Variants in P4HA3 observed in about 807,000 individuals in gnomAD.
P4HA3 encodes the protein prolyl 4-hydroxylase subunit alpha-3.
P4HA3 carries 60 observed loss-of-function variants against 66.7 expected under a neutral mutation model. That is an observed-to-expected ratio of 0.90 (90% CI 0.73 to 1.12). P4HA3 has a LOEUF of 1.12. Ranked by LOEUF, P4HA3 falls within the 50% of genes most tolerant of loss-of-function variation. The pLI is 0.00. For synonymous variants in P4HA3, 263 were observed against 274.6 expected (o/e 0.96, Z 0.42); for missense variants, 683 against 685.8 (o/e 1.00, Z 0.05).
intron 4 of P4HA3, among the ~76,000 whole-genome samples, chr11:74,292,750 G>A (rs1861075370): frequency 6.6e-6 from 1 of 152,148 alleles, no homozygotes; most frequent in Non-Finnish European, 1.5e-5. Context: ...ATGTAGTTGA[G>A]CGGTTTTGAG....
intron 7 of P4HA3, 198 bp downstream of exon 7, chr11:74,285,611 C>T (rs1860764678): frequency 1.8e-6 from 1 of 548,434 alleles, no homozygotes; most frequent in Non-Finnish European, 3.2e-6. Flanking sequence ...GTACATCATC[C>T]AGTTAATCCT....
chr11:74,281,849 A>G (rs966348385), intron 7 of P4HA3, among the ~76,000 whole-genome samples: 2 of 147,368 alleles, frequency 1.4e-5, no homozygotes, highest in Non-Finnish European at 3.0e-5. Context: ...CAATGTGCAC[A>G]TGTACCCTAA....
In P4HA3 at chr11:74,278,591, C is replaced by G. The variant is rs548212843; in HGVS notation, c.1175+797G>C. Among the ~76,000 whole-genome samples, 113 of 152,276 alleles carry G rather than the reference C, an allele frequency of 7.4e-4. 1 individual carries two copies. In the South Asian group the frequency reaches 0.022, roughly 30 times the overall value. On this transcript the variant is annotated intron_variant, in intron 8 of 12. Transcript: ENST00000331597. Reference sequence around the variant, plus strand: ...AGGGAAGAAAATACCACCTGCTCCCCTGGAAGCAATTAACCCAAGGCTGAA... The same window carrying G: ...AGGGAAGAAAATACCACCTGCTCCCGTGGAAGCAATTAACCCAAGGCTGAA...
intron 15 of P4HA3, chr11:74,253,648 T>C: frequency 2.2e-6 from 2 of 910,490 alleles, no homozygotes; most frequent in African/African-American, 1.6e-5. Flanking sequence ...CACCCCGAGA[T>C]GTACCAACCT....
chr11:74,256,625 C>T (rs766716462), intron 15 of P4HA3, among the ~76,000 whole-genome samples: 4 of 152,152 alleles, frequency 2.6e-5, no homozygotes, highest in Non-Finnish European at 4.4e-5. Flanking sequence ...GCCTACAGAT[C>T]AGCATGTATG....
rs527642464 is a variant in P4HA3, at chr11:74,300,650, T to A, written c.567+1719A>T. ...CCCTAAGAAAACAAAAAGAATTTCA[T>A]AAACTAGAAATTTCATAATCCATAG... On this transcript the variant is annotated intron_variant, in intron 3 of 12. Coordinates refer to ENST00000331597, the MANE Select transcript of P4HA3 (RefSeq NM_182904.5). 7.2e-5 allele frequency among the ~76,000 whole-genome samples: 11 copies of A among 152,224 alleles called. No homozygotes were observed. The South Asian group carries it at 2.3e-3, about 32-fold the overall frequency.
At chr11:74,271,049 A>G (rs980622396) in intron 10 of P4HA3, among the ~76,000 whole-genome samples, 5 of 152,230 alleles carry the variant, frequency 3.3e-5, no homozygotes, top group African/African-American at 1.2e-4. Context: ...CACGCTGCCT[A>G]GCATTATCTA....
At chr11:74,279,346 G>C in intron 8 of P4HA3, 42 bp downstream of exon 8, 1 of 1,579,948 alleles carries the variant, frequency 6.3e-7, no homozygotes, top group Non-Finnish European at 8.7e-7. Context: ...GCTACGGCCC[G>C]AGGGTGGGCA....
chr11:74,285,105 T>A (rs1047476436), intron 7 of P4HA3, among the ~76,000 whole-genome samples: 1 of 151,984 alleles, frequency 6.6e-6, no homozygotes, highest in African/African-American at 2.4e-5. Flanking sequence ...ATAATAATAA[T>A]AATATACTGT....
intron 7 of P4HA3, among the ~76,000 whole-genome samples, chr11:74,281,233 G>A (rs1479917579): frequency 1.3e-5 from 2 of 151,270 alleles, no homozygotes; most frequent in Non-Finnish European, 3.0e-5. Flanking sequence ...AACAGGTGCT[G>A]GAGAGGATGT....
chr11:74,302,047 G>C (rs527471140), intron 3 of P4HA3, among the ~76,000 whole-genome samples: 1 of 152,194 alleles, frequency 6.6e-6, no homozygotes, highest in African/African-American at 2.4e-5. Flanking sequence ...GTTCATGTCT[G>C]TTGTTCTAGC....
downstream of P4HA3, among the ~76,000 whole-genome samples, chr11:74,262,191 C>T (rs1859917587): frequency 6.6e-6 from 1 of 152,188 alleles, no homozygotes; most frequent in East Asian, 1.9e-4. Flanking sequence ...ACGCAGGCAT[C>T]TAGTGCCTAG....
At chr11:74,305,222 G>A (rs1001064400) in intron 1 of P4HA3, among the ~76,000 whole-genome samples, 4 of 152,082 alleles carry the variant, frequency 2.6e-5, no homozygotes, top group African/African-American at 9.7e-5. Flanking sequence ...TCATCCAGGT[G>A]GGAGTTAGAA....
intron 7 of P4HA3, among the ~76,000 whole-genome samples, chr11:74,281,785 T>C (rs1860606323): frequency 6.6e-6 from 1 of 151,534 alleles, no homozygotes; most frequent in South Asian, 2.1e-4. Context: ...GATGACGAGT[T>C]AGTGGGTGCA....
chr11:74,250,756 A>G, intron 15 of P4HA3: 1 of 569,890 alleles, frequency 1.8e-6, no homozygotes, highest in African/African-American at 1.9e-5. Flanking sequence ...CAGAAGGAAA[A>G]AGTGAAGGGA....
chr11:74,270,643 A>G (rs1321300055), intron 10 of P4HA3, among the ~76,000 whole-genome samples: 2 of 152,196 alleles, frequency 1.3e-5, no homozygotes, highest in Non-Finnish European at 2.9e-5. Context: ...CCTAGGAGTT[A>G]CAATCGTTAT....
intron 5 of P4HA3, chr11:74,287,059 G>T: frequency 8.8e-7 from 1 of 1,137,094 alleles, no homozygotes. Flanking sequence ...GCTCTAGACT[G>T]GATTCCCACA....
intron 15 of P4HA3, chr11:74,250,682 CCT>C (rs1477598630): frequency 2.5e-6 from 1 of 397,976 alleles, no homozygotes; most frequent in Non-Finnish European, 4.6e-6. Flanking sequence ...CTGTAAATCC[CCT>C]GAGGACAAGA....
At chr11:74,296,066 G>C (rs555716298) in intron 4 of P4HA3, among the ~76,000 whole-genome samples, 2 of 152,318 alleles carry the variant, frequency 1.3e-5, no homozygotes, top group Admixed American at 6.5e-5. Flanking sequence ...TAAATGAAAA[G>C]AGAACATATA....
Sources: allele counts gnomAD v4.1 joint callset (sites outside exome capture counted in the v4.1 genomes callset), GRCh38; gene constraint gnomAD v4.1.1; transcripts MANE v1.5; gene names NCBI Gene and HGNC (gene_info 2026-07-23, HGNC 2026-07-21).